The following SGSM3 variants were observed in gnomAD, a reference collection of about 807,000 sequenced individuals.
The protein encoded by SGSM3 is small G protein signaling modulator 3, also known as RUN and SH3 containing 3.
Under a neutral mutation model 100.5 loss-of-function variants are expected in SGSM3, and 96 were observed. That is an observed-to-expected ratio of 0.96 (90% CI 0.81 to 1.13). SGSM3 has a LOEUF of 1.13. Among genes scored for constraint, SGSM3 ranks in the 50% most tolerant of loss-of-function variants. SGSM3 has a pLI of 0.00. For synonymous variants in SGSM3, 483 were observed against 422.8 expected, an observed-to-expected ratio of 1.14 and a Z score of -1.75; for missense variants, 1,001 against 1,015.8, an observed-to-expected ratio of 0.99 and a Z score of 0.20.
intron 1 of SGSM3, among the ~76,000 whole-genome samples, chr22:40,371,885 C>T (rs931627268): frequency 6.6e-6 from 1 of 151,144 alleles, no homozygotes; most frequent in Admixed American, 6.6e-5. Flanking sequence ...TTAATAGAGA[C>T]GGGGTTTTTC....
At chr22:40,390,156 G>C (rs1326947646) in intron 1 of SGSM3, 1 of 152,070 alleles carries the variant, frequency 6.6e-6, no homozygotes, top group African/African-American at 2.4e-5. Flanking sequence ...ATTAAATGTG[G>C]GGCACCCTAA....
At chr22:40,387,476 C>A (rs1026833338) in intron 1 of SGSM3, 1 of 335,298 alleles carries the variant, frequency 3.0e-6, no homozygotes, top group African/African-American at 2.1e-5. Flanking sequence ...TATTTATGAT[C>A]TCCTCTTAGG....
chr22:40,408,873 G>T, intron 18 of SGSM3, 31 bp downstream of exon 18: 4 of 1,613,974 alleles, frequency 2.5e-6, no homozygotes, highest in Non-Finnish European at 3.4e-6. Flanking sequence ...AGACCCTAGA[G>T]ACCTCTCTGG....
intron 1 of SGSM3, among the ~76,000 whole-genome samples, chr22:40,372,315 A>G (rs1174450287): frequency 2.0e-5 from 3 of 150,876 alleles, no homozygotes; most frequent in African/African-American, 7.3e-5. Flanking sequence ...TTTAGTAGAG[A>G]CGGGGTTTCA....
chr22:40,372,121 C>A (rs868532234), intron 1 of SGSM3, among the ~76,000 whole-genome samples: 4 of 114,266 alleles, frequency 3.5e-5, no homozygotes, highest in East Asian at 2.8e-4. Context: ...GTCCCCCCCC[C>A]CTTTTTTTTT....
chr22:40,405,152 C>T lies in SGSM3; in HGVS notation c.486C>T (p.Asp162=), dbSNP rs765269075. 6.5e-7 allele frequency: 1 copy of T among 1,536,152 alleles called. No individual in the cohort carries two copies. The highest frequency in any genetic ancestry group is 8.8e-7 in the Non-Finnish European group (1 of 1,139,944). Reference sequence around the variant, plus strand: ...TGGCTGCCTGACAGATCGAGAAGGACCTGCTCCGCACCATGCCCAGCAACG... The same window carrying T: ...TGGCTGCCTGACAGATCGAGAAGGATCTGCTCCGCACCATGCCCAGCAACG... The part of the protein sequence containing the change: ...ETIAAKQIEK[D]LLRTMPSNAC... The change falls in exon 7 of 22, where the codon GAC becomes GAT. Residue 162 remains aspartate (D), a synonymous_variant. Coordinates refer to ENST00000248929, the MANE Select transcript of SGSM3 (RefSeq NM_015705.6).
chr22:40,406,290 CCTCCCTGGGCCAGGCAAGACCAG>C, intron 9 of SGSM3, 67 bp downstream of exon 9: 1 of 1,592,926 alleles, frequency 6.3e-7, no homozygotes, highest in Non-Finnish European at 8.6e-7. Flanking sequence ...GAGCAAGAGA[CCTCCCTGGGCCAGGCAAGACCAG>C]CCCCCTGGCC....
chr22:40,373,644 TCTCA>T (rs1569122566), intron 1 of SGSM3: 1 of 152,250 alleles, frequency 6.6e-6, no homozygotes, highest in African/African-American at 2.4e-5. Context: ...TGAGACATAG[TCTCA>T]CTCTGTCACC....
intron 1 of SGSM3, among the ~76,000 whole-genome samples, chr22:40,373,711 G>A (rs1450269916): frequency 6.6e-6 from 1 of 152,040 alleles, no homozygotes; most frequent in East Asian, 1.9e-4. Flanking sequence ...TGCCTCCCGA[G>A]TTCAAGCAGT....
At chr22:40,381,386 T>G (rs1407050503) in intron 1 of SGSM3, among the ~76,000 whole-genome samples, 1 of 152,146 alleles carries the variant, frequency 6.6e-6, no homozygotes, top group Non-Finnish European at 1.5e-5. Flanking sequence ...TGGGCTCAAG[T>G]GATCCTTCTG....
At position 40,406,729 on chromosome 22, in the gene SGSM3, CA is replaced by C. The variant is rs1569216305; in HGVS notation, c.1185+68del. Reference sequence around the variant, plus strand: ...GGGGAGGAGGGGTCACCTTGAAGTTCAGAGCGCGGGGGCTGCGGAAAACAAA... The same window carrying C: ...GGGGAGGAGGGGTCACCTTGAAGTTCGAGCGCGGGGGCTGCGGAAAACAAA... On this transcript the variant is annotated intron_variant, in intron 10 of 21. Coordinates refer to ENST00000248929, the MANE Select transcript of SGSM3 (RefSeq NM_015705.6). 3 of 1,359,322 alleles carry C rather than the reference CA, an allele frequency of 2.2e-6. No individual in the cohort carries two copies. The Admixed American group carries it at 5.7e-5, about 26-fold the overall frequency. 84.2% of individuals were successfully genotyped at this position (1,359,322 alleles called of 1,614,324 possible). A position where few individuals can be genotyped will look rare whatever the true frequency, so the allele number is the denominator to read the frequency against.
At position 40,407,452 on chromosome 22, in the gene SGSM3, GACC is replaced by G; in HGVS notation, c.1411_1413del (p.His471del). 3 of 1,612,602 alleles carry G rather than the reference GACC, an allele frequency of 1.9e-6. No individual in the cohort carries two copies. Among genetic ancestry groups the G allele is most frequent in the Non-Finnish European group, 2.5e-6 (3 of 1,179,886 alleles). ...CTATAGCATGGAGAGCCACCAGCGG[GACC>G]ACGAGAACTACGTGGCGTGCTCACG... On this transcript the variant is annotated inframe_deletion, in exon 13 of 22. Coordinates refer to ENST00000248929, the MANE Select transcript of SGSM3 (RefSeq NM_015705.6). This position sits in a 1 kb window ranked among gnomAD's most constrained non-coding sequence, Gnocchi z 4.7.
chr22:40,404,595 G>A lies in SGSM3; in HGVS notation c.405G>A (p.Arg135=), dbSNP rs777978613. The A allele has an allele frequency of 6.2e-7, 1 of 1,613,874 alleles. No individual in the cohort carries two copies. The highest frequency in any genetic ancestry group is 1.7e-5 in the Admixed American group (1 of 60,008). The change falls in exon 6 of 22, where the codon AGG becomes AGA. Residue 135 remains arginine, a synonymous_variant. Transcript: ENST00000248929. The stretch of plus-strand genomic sequence containing the variant: ...TCTCTGGGGCCCTGCAGAAGAAGAG[G>A]AACTCTGAGCTGTCCTACCGCGAGA... The part of the protein sequence containing the change: ...MRLSGALQKK[R]NSELSYREIV...
At chr22:40,404,015 A>G (rs1249224388) in intron 4 of SGSM3, 6 of 393,440 alleles carry the variant, frequency 1.5e-5, no homozygotes, top group East Asian at 7.5e-5. Context: ...GGGTAGTACT[A>G]TGGTAGGAGT....
intron 1 of SGSM3, among the ~76,000 whole-genome samples, chr22:40,400,358 G>T (rs887610767): frequency 2.6e-5 from 4 of 152,112 alleles, no homozygotes; most frequent in African/African-American, 9.7e-5. Flanking sequence ...GGAAGTAAAG[G>T]CTTGGCCGGG....
Position 40,409,295 on chromosome 22 carries a change from G to GC in SGSM3, c.2037dup (p.Thr680HisfsTer23), listed in dbSNP as rs1399053996. 6.2e-7 allele frequency: 1 copy of GC among 1,612,656 alleles called. No homozygotes were observed. Among genetic ancestry groups the GC allele is most frequent in the East Asian group, 2.2e-5 (1 of 44,870 alleles). Reference sequence around the variant, plus strand: ...GGCTGGAGGTGCTCTGCTCCAGCCTGCCCACCGTGGAGAAGTGGTACCAGC... The same window carrying GC: ...GGCTGGAGGTGCTCTGCTCCAGCCTGCCCCACCGTGGAGAAGTGGTACCAGC... On this transcript the variant is annotated frameshift_variant, in exon 20 of 22. Transcript: ENST00000248929. LOFTEE classifies it high-confidence loss of function.
At chr22:40,408,561 C>G in intron 16 of SGSM3, 66 bp from the exon 17 acceptor site, 2 of 1,595,316 alleles carry the variant, frequency 1.3e-6, no homozygotes, top group Non-Finnish European at 1.7e-6. Flanking sequence ...GGTGCCCAGT[C>G]GGCCCCAAGG....
At position 40,409,317 on chromosome 22, in the gene SGSM3, C is replaced by A; in HGVS notation, c.2056C>A (p.Gln686Lys). ...CCTGCCCACCGTGGAGAAGTGGTAC[C>A]AGCCCTGGTCCTTCCTGCGCAGCCC... ...SSLPTVEKWYQPWSFLRSPGW... is the reference protein window; with the variant it reads ...SSLPTVEKWYKPWSFLRSPGW... The change falls in exon 20 of 22, where the codon CAG becomes AAG. Residue 686 changes from glutamine to lysine, a missense_variant. Physicochemically the swap from Gln to Lys is moderately conservative, Grantham distance 53 (BLOSUM62 1). Transcript: ENST00000248929. 6.2e-7 allele frequency: 1 copy of A among 1,613,232 alleles called. No individual in the cohort carries two copies. Among genetic ancestry groups the A allele is most frequent in the Non-Finnish European group, 8.5e-7 (1 of 1,179,880 alleles).
rs1456917475 is a variant in SGSM3 at position 40,410,119 on chromosome 22, GTCTT to G, written c.*361_*364del. On this transcript the variant is annotated 3_prime_UTR_variant, in exon 22 of 22. Coordinates refer to ENST00000248929, the MANE Select transcript of SGSM3 (RefSeq NM_015705.6). ...TCTGTCTTTGAGAAAGCACCTACCT[GTCTT>G]CTGTGCAGCTAGGGCTGCAGAGCTG... The G allele has an allele frequency of 1.4e-4, 166 of 1,151,506 alleles. No homozygotes were observed. Among genetic ancestry groups the G allele is most frequent in the Non-Finnish European group, 1.7e-4 (161 of 935,764 alleles). The allele number at this position is 1,151,506 out of a possible 1,614,324, so 71.3% of individuals were successfully genotyped here.
Sources: allele counts gnomAD v4.1 joint callset (sites outside exome capture counted in the v4.1 genomes callset), GRCh38; gene constraint gnomAD v4.1.1; non-coding constraint Gnocchi (gnomAD v3.1); transcripts MANE v1.5; gene names NCBI Gene and HGNC (gene_info 2026-07-23, HGNC 2026-07-21).